The following CRACD variants were observed in gnomAD, a reference collection of about 807,000 sequenced individuals.
CRACD encodes capping protein inhibiting regulator of actin dynamics.
In CRACD, 56 loss-of-function variants were observed where a neutral mutation model predicts 106.8. That is an observed-to-expected ratio of 0.52 (90% CI 0.42 to 0.66). The LOEUF is 0.66. Ranked by LOEUF, CRACD falls within the 30% of genes least tolerant of loss-of-function variation. The pLI, the probability that CRACD is intolerant of heterozygous loss-of-function variation, is 0.00. For synonymous variants in CRACD, 754 were observed against 670.8 expected, an observed-to-expected ratio of 1.12 and a Z score of -1.92; for missense variants, 1,730 against 1,623.2, an observed-to-expected ratio of 1.07 and a Z score of -1.13.
chr4:56,212,012 A>G (rs1004185059), intron 2 of CRACD, among the ~76,000 whole-genome samples: 1 of 152,074 alleles, frequency 6.6e-6, no homozygotes, highest in Non-Finnish European at 1.5e-5. Flanking sequence ...TATCCCCAGG[A>G]GGCTATTCAT....
intron 2 of CRACD, among the ~76,000 whole-genome samples, chr4:56,189,872 G>A (rs1737286210): frequency 6.7e-6 from 1 of 148,704 alleles, no homozygotes; most frequent in Non-Finnish European, 1.5e-5. Flanking sequence ...ACAATGTGCA[G>A]GTTAGTTACA....
intron 2 of CRACD, among the ~76,000 whole-genome samples, chr4:56,234,356 A>G (rs1254845328): frequency 6.6e-6 from 1 of 152,176 alleles, no homozygotes; most frequent in Non-Finnish European, 1.5e-5. Flanking sequence ...CTTCTTTCAC[A>G]TAGCATAATG....
rs1745595338 is a variant in CRACD, at chr4:56,315,839, C to T, written c.2337C>T (p.His779=). The T allele has an allele frequency of 6.2e-7, 1 of 1,614,122 alleles. No homozygotes were observed. Among genetic ancestry groups the T allele is most frequent in the South Asian group, 1.1e-5 (1 of 91,072 alleles). ...LGKGPEKSEM[H]REPADTTEGC... ...AGGGTCCGGAGAAGTCGGAGATGCA[C>T]CGGGAGCCCGCAGACACCACCGAGG... Residue 779 remains histidine, a synonymous_variant, in exon 8 of 11, where the codon CAC becomes CAT. Coordinates refer to ENST00000682029, the MANE Select transcript of CRACD (RefSeq NM_001393381.1). This position sits in a 1 kb window ranked among gnomAD's most constrained non-coding sequence, Gnocchi z 4.1.
chr4:56,082,138 T>G (rs1172814995), intron 1 of CRACD, among the ~76,000 whole-genome samples: 1 of 152,206 alleles, frequency 6.6e-6, no homozygotes, highest in Non-Finnish European at 1.5e-5. Flanking sequence ...GAGACTACTT[T>G]AGATTGTAAG....
At chr4:56,159,507 A>C (rs13114414) in intron 1 of CRACD, among the ~76,000 whole-genome samples, 62,254 of 151,080 alleles carry the variant, frequency 0.41, 13,371 homozygotes, top group African/African-American at 0.54. Context: ...ACAAAATTAG[A>C]CGGGCGTGGT....
intron 1 of CRACD, among the ~76,000 whole-genome samples, chr4:56,058,144 A>G (rs535934327): frequency 6.6e-6 from 1 of 151,144 alleles, no homozygotes; most frequent in African/African-American, 2.4e-5. Flanking sequence ...ATCTCGGCTC[A>G]CTGCAGCCTC....
At chr4:56,214,620 C>G (rs1738570922) in intron 2 of CRACD, among the ~76,000 whole-genome samples, 1 of 148,224 alleles carries the variant, frequency 6.7e-6, no homozygotes. Flanking sequence ...CATATCGCAC[C>G]ACTGCCCTCC....
chr4:56,163,153 G>A (rs1286060320), intron 1 of CRACD, among the ~76,000 whole-genome samples: 3 of 152,136 alleles, frequency 2.0e-5, no homozygotes, highest in African/African-American at 7.2e-5. Flanking sequence ...CATCTTCTCT[G>A]TGCCAGGTAG....
At chr4:56,208,760 T>A (rs1738253307) in intron 2 of CRACD, among the ~76,000 whole-genome samples, 2 of 152,218 alleles carry the variant, frequency 1.3e-5, no homozygotes, top group South Asian at 4.1e-4. Flanking sequence ...GAAGTGGAAA[T>A]TTGATTTTGG....
At chr4:56,273,048 G>A (rs1054321933) in intron 3 of CRACD, among the ~76,000 whole-genome samples, 4 of 152,056 alleles carry the variant, frequency 2.6e-5, no homozygotes, top group Non-Finnish European at 4.4e-5. Flanking sequence ...CATTCATTTC[G>A]CTGCTCTTGT....
chr4:56,263,818 C>G (rs1285870818), intron 2 of CRACD, among the ~76,000 whole-genome samples: 3 of 152,116 alleles, frequency 2.0e-5, no homozygotes, highest in Non-Finnish European at 2.9e-5. Flanking sequence ...TGAATTATCA[C>G]TGGAGTTGGG....
At chr4:56,125,416 A>AT (rs926740765) in intron 1 of CRACD, among the ~76,000 whole-genome samples, 48 of 149,288 alleles carry the variant, frequency 3.2e-4, no homozygotes, top group Admixed American at 1.4e-3. Context: ...ATTAAAAACA[A>AT]TTTTTTTTTT....
chr4:56,278,535 ATTAAAATTATAAAAC>A (rs1447355589), intron 3 of CRACD, among the ~76,000 whole-genome samples: 1 of 152,216 alleles, frequency 6.6e-6, no homozygotes, highest in African/African-American at 2.4e-5. Context: ...AAATGTAAGA[ATTAAAATTATAAAAC>A]TCTTAAAAGA....
chr4:56,161,239 A>G (rs1447751239), intron 1 of CRACD, among the ~76,000 whole-genome samples: 1 of 152,104 alleles, frequency 6.6e-6, no homozygotes, highest in Non-Finnish European at 1.5e-5. Flanking sequence ...CTAAAATAAT[A>G]TTTTGCTTTT....
At chr4:56,298,568 C>A in intron 4 of CRACD, among the ~76,000 whole-genome samples, 1 of 152,190 alleles carries the variant, frequency 6.6e-6, no homozygotes, top group Non-Finnish European at 1.5e-5. Flanking sequence ...CTGCATGACA[C>A]ACCCTCTCCT....
intron 2 of CRACD, among the ~76,000 whole-genome samples, chr4:56,220,091 G>A (rs1738947852): frequency 1.3e-5 from 2 of 152,148 alleles, no homozygotes. Flanking sequence ...GGTAACGTAG[G>A]CAGGGCAGTG....
chr4:56,301,185 T>C (rs1010697469), intron 4 of CRACD: 4 of 1,267,998 alleles, frequency 3.2e-6, no homozygotes, highest in Middle Eastern at 2.2e-4. Flanking sequence ...ACTTGAGATA[T>C]AACTGAATCA....
At chr4:56,075,791 C>T (rs1732821858) in intron 1 of CRACD, among the ~76,000 whole-genome samples, 1 of 152,200 alleles carries the variant, frequency 6.6e-6, no homozygotes, top group African/African-American at 2.4e-5. Context: ...GGGTCACCTA[C>T]ATTGTAGCAT....
At chr4:56,186,649 G>A (rs959905890) in intron 2 of CRACD, among the ~76,000 whole-genome samples, 1 of 152,162 alleles carries the variant, frequency 6.6e-6, no homozygotes, top group Non-Finnish European at 1.5e-5. Context: ...ATACTGTTCA[G>A]GAGTTCATGG....
Sources: gnomAD v4.1 joint callset for allele counts (sites outside exome capture counted in the v4.1 genomes callset) on GRCh38, gnomAD v4.1.1 for gene constraint, Gnocchi (gnomAD v3.1) non-coding constraint, MANE v1.5 for transcripts, NCBI Gene and HGNC (gene_info 2026-07-23, HGNC 2026-07-21) for gene names.